The following PINX1 variants were observed in gnomAD, a reference collection of about 807,000 sequenced individuals.
PINX1 encodes PIN2/TERF1-interacting telomerase inhibitor 1.
Under a neutral mutation model 25.4 loss-of-function variants are expected in PINX1, and 34 were observed. The ratio of observed to expected loss-of-function variants is 1.34; its 90% CI spans 1.02 to 1.78. PINX1 has a LOEUF of 1.78. Ranked by LOEUF, PINX1 falls within the 40% of genes most tolerant of loss-of-function variation. The pLI is 0.00. For missense variants in PINX1, 592 were observed against 404.9 expected (o/e 1.46, Z -3.97); for synonymous variants, 197 against 147.7 (o/e 1.33, Z -2.42).
At chr8:10,819,096 G>A (rs980468809) in intron 6 of PINX1, among the ~76,000 whole-genome samples, 3 of 152,210 alleles carry the variant, frequency 2.0e-5, no homozygotes, top group African/African-American at 7.2e-5. Flanking sequence ...AGTCCGCGCA[G>A]GCACCAAAGC....
intron 6 of PINX1, among the ~76,000 whole-genome samples, chr8:10,818,249 A>G (rs1312871965): frequency 6.6e-6 from 1 of 152,208 alleles, no homozygotes; most frequent in African/African-American, 2.4e-5. Flanking sequence ...ATCTCTACAC[A>G]CACTGGACCA....
At chr8:10,783,413 A>G (rs1801653621) in intron 6 of PINX1, among the ~76,000 whole-genome samples, 1 of 152,142 alleles carries the variant, frequency 6.6e-6, no homozygotes, top group African/African-American at 2.4e-5. Context: ...TGTTCCCCAA[A>G]AGGACCTGTG....
At chr8:10,809,253 A>C (rs888656856) in intron 6 of PINX1, among the ~76,000 whole-genome samples, 5 of 152,212 alleles carry the variant, frequency 3.3e-5, no homozygotes, top group East Asian at 1.9e-4. Flanking sequence ...CTAAGGAGCA[A>C]GTGGCTGGAG....
intron 6 of PINX1, among the ~76,000 whole-genome samples, chr8:10,799,579 A>T (rs1469451830): frequency 2.6e-5 from 4 of 152,180 alleles, no homozygotes; most frequent in Non-Finnish European, 4.4e-5. Flanking sequence ...GAGCGGCCTG[A>T]CTGGGAGAAA....
chr8:10,797,256 A>G (rs1309349685), intron 6 of PINX1, among the ~76,000 whole-genome samples: 1 of 152,170 alleles, frequency 6.6e-6, no homozygotes, highest in African/African-American at 2.4e-5. Context: ...TTGGTGTTTC[A>G]GGGACCTAGA....
At chr8:10,821,725 A>G (rs1194200775) in intron 5 of PINX1, 4 of 152,238 alleles carry the variant, frequency 2.6e-5, no homozygotes, top group African/African-American at 9.6e-5. Context: ...CACAGTTTGT[A>G]CTTCAGAAAA....
At chr8:10,793,092 A>C (rs1182897672) in intron 6 of PINX1, among the ~76,000 whole-genome samples, 1 of 151,818 alleles carries the variant, frequency 6.6e-6, no homozygotes, top group African/African-American at 2.4e-5. Context: ...ATGCGCGAAC[A>C]CTCTGCTAGG....
chr8:10,803,042 G>T (rs1409822848), intron 6 of PINX1, among the ~76,000 whole-genome samples: 1 of 152,068 alleles, frequency 6.6e-6, no homozygotes, highest in African/African-American at 2.4e-5. Flanking sequence ...TCTGTGGTGG[G>T]ACTAAATAAA....
At chr8:10,779,744 G>C (rs1182041800) in intron 6 of PINX1, among the ~76,000 whole-genome samples, 1 of 152,096 alleles carries the variant, frequency 6.6e-6, no homozygotes, top group East Asian at 1.9e-4. Context: ...ATCTAATCTG[G>C]CAATATGACT....
rs1798349767 is a variant in PINX1, at chr8:10,834,787, A to G, written c.20-12T>C. On this transcript the variant is annotated splice_polypyrimidine_tract_variant and intron_variant, in intron 1 of 6. Transcript: ENST00000314787. Reference sequence around the variant, plus strand: ...CTGCTTCCGCCGACCTGTAAATGAAAAAGCATTATCATCAGCAATGGAGAT... The same window carrying G: ...CTGCTTCCGCCGACCTGTAAATGAAGAAGCATTATCATCAGCAATGGAGAT... The G allele has an allele frequency of 1.3e-6, 2 of 1,595,660 alleles. No homozygotes were observed. Among genetic ancestry groups the G allele is most frequent in the Non-Finnish European group, 1.7e-6 (2 of 1,165,156 alleles).
intron 6 of PINX1, among the ~76,000 whole-genome samples, chr8:10,786,560 T>C (rs978081643): frequency 1.3e-5 from 2 of 152,166 alleles, no homozygotes; most frequent in African/African-American, 4.8e-5. Flanking sequence ...AAATTAAGCG[T>C]GAGCTACGCC....
intron 6 of PINX1, among the ~76,000 whole-genome samples, chr8:10,800,944 G>T (rs1229185999): frequency 6.6e-6 from 1 of 152,222 alleles, no homozygotes. Flanking sequence ...CTTTCTGCAA[G>T]ATGGACACTG....
intron 1 of PINX1, 95 bp downstream of exon 1, chr8:10,839,643 G>A (rs1217245214): frequency 3.8e-6 from 5 of 1,316,186 alleles, no homozygotes; most frequent in Admixed American, 2.0e-5. Flanking sequence ...CAGGCGCGCC[G>A]GCAACCCGAG....
chr8:10,794,690 A>T (rs1015432905), intron 6 of PINX1, among the ~76,000 whole-genome samples: 3 of 152,138 alleles, frequency 2.0e-5, no homozygotes, highest in African/African-American at 7.2e-5. Context: ...GGCTTCCCAA[A>T]GTGCTGGGAT....
intron 6 of PINX1, among the ~76,000 whole-genome samples, chr8:10,772,820 G>T (rs1262724169): frequency 6.6e-6 from 1 of 152,184 alleles, no homozygotes; most frequent in Non-Finnish European, 1.5e-5. Context: ...TGTGAAACAG[G>T]TGTAAGAACC....
intron 6 of PINX1, among the ~76,000 whole-genome samples, chr8:10,774,580 C>T (rs1344577613): frequency 1.3e-5 from 2 of 151,896 alleles, no homozygotes; most frequent in Non-Finnish European, 2.9e-5. Context: ...CGTGCCCAGC[C>T]GAATAAGGTC....
rs56219413 is a variant in PINX1 at position 10,805,517 on chromosome 8, G to A, written c.471+14676C>T. Among the ~76,000 whole-genome samples the A allele has an allele frequency of 6.9e-3, 769 of 112,118 alleles. 64 individuals carry two copies. Among genetic ancestry groups the A allele is most frequent in the African/African-American group, 8.6e-3 (251 of 29,224 alleles). The allele number at this position is 112,118 out of a possible 152,430, so 73.6% of individuals were successfully genotyped here. On this transcript the variant is annotated intron_variant, in intron 6 of 6. Transcript: ENST00000314787. ...TGAGTGGGTGACAGAGCACAGGAAG[G>A]GGCCACACTAGTGCTGAGGGAGGAG...
At chr8:10,783,845 C>T (rs1801667044) in intron 6 of PINX1, among the ~76,000 whole-genome samples, 1 of 152,172 alleles carries the variant, frequency 6.6e-6, no homozygotes, top group African/African-American at 2.4e-5. Flanking sequence ...AGACTATAGC[C>T]TTGTGTAAAG....
At chr8:10,795,493 C>A (rs955704437) in intron 6 of PINX1, among the ~76,000 whole-genome samples, 1 of 152,228 alleles carries the variant, frequency 6.6e-6, no homozygotes, top group South Asian at 2.1e-4. Context: ...CTCCGCCTCC[C>A]GGATTCAAGT....
Sources: gnomAD v4.1 joint callset for allele counts (sites outside exome capture counted in the v4.1 genomes callset) on GRCh38, gnomAD v4.1.1 for gene constraint, MANE v1.5 for transcripts, NCBI Gene and HGNC (gene_info 2026-07-23, HGNC 2026-07-21) for gene names.